Variants in MBD5 observed in about 807,000 individuals in gnomAD.
The protein encoded by MBD5 is methyl-CpG-binding domain protein 5.
In MBD5, 13 loss-of-function variants were observed where a neutral mutation model predicts 117.3. That is an observed-to-expected ratio of 0.11 (90% CI 0.07 to 0.18). MBD5 has a LOEUF of 0.18. Ranked by LOEUF, MBD5 falls within the 10% of genes least tolerant of loss-of-function variation. The pLI is 1.00. For synonymous variants in MBD5, 727 were observed against 766.4 expected (o/e 0.95, Z 0.85); for missense variants, 1,879 against 2,093.8 (o/e 0.90, Z 2.00).
At chr2:148,374,499 G>C (rs979481680) in intron 4 of MBD5, among the ~76,000 whole-genome samples, 1 of 152,068 alleles carries the variant, frequency 6.6e-6, no homozygotes, top group Non-Finnish European at 1.5e-5. Flanking sequence ...ATAAATTATA[G>C]TTAGTTAGCA....
intron 1 of MBD5, among the ~76,000 whole-genome samples, chr2:148,112,537 G>A (rs1696525714): frequency 6.6e-6 from 1 of 152,098 alleles, no homozygotes; most frequent in Non-Finnish European, 1.5e-5. Context: ...ATAAGCATGA[G>A]GAATTATCAC....
chr2:148,453,684 T>C (rs1706796011), intron 4 of MBD5, among the ~76,000 whole-genome samples: 1 of 151,990 alleles, frequency 6.6e-6, no homozygotes, highest in South Asian at 2.1e-4. Flanking sequence ...ATTAAAGTGT[T>C]AAATTTGGAA....
rs1264717542 is a variant in MBD5 at position 148,283,905 on chromosome 2, A to G, written c.-680+50510A>G. Among the ~76,000 whole-genome samples, 3 of 152,212 alleles carry G rather than the reference A, an allele frequency of 2.0e-5. No homozygotes were observed. The East Asian group carries it at 5.8e-4, about 29-fold the overall frequency. ...CATTTGATTCAAAAATCAAAGCAAT[A>G]TTAGAAGGTATACACTGAGTATCCT... On this transcript the variant is annotated intron_variant, in intron 3 of 13. Transcript: ENST00000642680.
intron 5 of MBD5, among the ~76,000 whole-genome samples, chr2:148,459,792 C>G (rs1476958739): frequency 1.3e-5 from 2 of 152,130 alleles, no homozygotes; most frequent in African/African-American, 2.4e-5. Context: ...GGCATAATAA[C>G]TCAGAAAGTC....
intron 4 of MBD5, among the ~76,000 whole-genome samples, chr2:148,433,955 G>A (rs1706074145): frequency 6.6e-6 from 1 of 150,800 alleles, no homozygotes; most frequent in Admixed American, 6.6e-5. Flanking sequence ...AATAGTTTCA[G>A]TAGAAATGGT....
intron 3 of MBD5, among the ~76,000 whole-genome samples, chr2:148,257,228 G>A (rs189200858): frequency 1.3e-4 from 20 of 152,138 alleles, no homozygotes; most frequent in Admixed American, 5.9e-4. Flanking sequence ...TCAAATAGGC[G>A]CCCCTGGTCC....
chr2:148,050,387 C>A (rs1001569137), intron 1 of MBD5, among the ~76,000 whole-genome samples: 4 of 151,912 alleles, frequency 2.6e-5, no homozygotes, highest in Non-Finnish European at 5.9e-5. Context: ...TATTCAAATC[C>A]TTTTCCACTT....
intron 2 of MBD5, among the ~76,000 whole-genome samples, chr2:148,221,210 AT>A: frequency 6.6e-6 from 1 of 152,212 alleles, no homozygotes; most frequent in East Asian, 1.9e-4. Context: ...AATTTTGGCT[AT>A]TGTGAACAGT....
intron 4 of MBD5, among the ~76,000 whole-genome samples, chr2:148,433,747 T>C (rs1212777708): frequency 6.6e-6 from 1 of 152,046 alleles, no homozygotes; most frequent in African/African-American, 2.4e-5. Flanking sequence ...CTGGATTCAG[T>C]TTGCTAGTAT....
intron 7 of MBD5, among the ~76,000 whole-genome samples, chr2:148,466,042 C>G (rs554116020): frequency 2.6e-5 from 4 of 152,186 alleles, no homozygotes; most frequent in African/African-American, 9.6e-5. Flanking sequence ...CACCTCCATT[C>G]CTTTTTAAAA....
At chr2:148,418,921 A>G (rs1297660689) in intron 4 of MBD5, among the ~76,000 whole-genome samples, 1 of 152,210 alleles carries the variant, frequency 6.6e-6, no homozygotes, top group South Asian at 2.1e-4. Context: ...AGCCAAAGCA[A>G]TTCTAACCAA....
intron 3 of MBD5, among the ~76,000 whole-genome samples, chr2:148,338,390 AT>A (rs1702850608): frequency 6.6e-6 from 1 of 152,114 alleles, no homozygotes; most frequent in African/African-American, 2.4e-5. Context: ...TGTTGTTGAC[AT>A]TTTTTAACTC....
intron 4 of MBD5, among the ~76,000 whole-genome samples, chr2:148,350,079 A>G (rs1352220972): frequency 6.6e-6 from 1 of 151,958 alleles, no homozygotes; most frequent in Non-Finnish European, 1.5e-5. Context: ...ATTTCAAACA[A>G]TGCCCCCATA....
intron 1 of MBD5, among the ~76,000 whole-genome samples, chr2:148,177,175 T>C (rs1489708695): frequency 6.6e-6 from 1 of 152,192 alleles, no homozygotes; most frequent in African/African-American, 2.4e-5. Context: ...ATTAGAAATA[T>C]AATCTTAGAA....
chr2:148,114,343 G>A (rs7580610), intron 1 of MBD5, among the ~76,000 whole-genome samples: 66,280 of 151,540 alleles, frequency 0.44, 14,623 homozygotes, highest in South Asian at 0.51. Flanking sequence ...GGTGGTGTGC[G>A]CCTGTAATCT....
intron 1 of MBD5, among the ~76,000 whole-genome samples, chr2:148,090,212 C>T (rs1357817041): frequency 6.6e-6 from 1 of 151,632 alleles, no homozygotes; most frequent in Non-Finnish European, 1.5e-5. Context: ...GCAACAACAA[C>T]AAAAAAGTCC....
intron 11 of MBD5, among the ~76,000 whole-genome samples, chr2:148,497,543 A>T: frequency 6.6e-6 from 1 of 152,070 alleles, no homozygotes. Context: ...GTTAAAAATT[A>T]GCGAGCATGA....
At chr2:148,303,575 A>G (rs1165197289) in intron 3 of MBD5, among the ~76,000 whole-genome samples, 1 of 152,272 alleles carries the variant, frequency 6.6e-6, no homozygotes, top group Non-Finnish European at 1.5e-5. Context: ...AGAAAAGTGT[A>G]GAATATGAAT....
intron 2 of MBD5, among the ~76,000 whole-genome samples, chr2:148,200,889 A>T (rs553902908): frequency 5.3e-4 from 81 of 152,292 alleles, no homozygotes; most frequent in African/African-American, 1.9e-3. Context: ...GCACTTTTTT[A>T]AAAAGCTGCT....
Sources: allele counts gnomAD v4.1 joint callset (sites outside exome capture counted in the v4.1 genomes callset), GRCh38; gene constraint gnomAD v4.1.1; transcripts MANE v1.5; gene names NCBI Gene and HGNC (gene_info 2026-07-23, HGNC 2026-07-21).